Variants in PLEKHA2 observed in about 807,000 individuals in gnomAD.
PLEKHA2 encodes the protein pleckstrin homology domain-containing family A member 2.
A neutral mutation model predicts 53.2 loss-of-function variants in PLEKHA2; 28 were observed. The observed-to-expected ratio is 0.53, with a 90% confidence interval of 0.39 to 0.72. The LOEUF (loss-of-function observed/expected upper bound fraction) is 0.72, where lower values mean the gene tolerates loss of function less well. Among genes scored for constraint, PLEKHA2 ranks in the 30% least tolerant of loss-of-function variants. The probability of loss-of-function intolerance (pLI) is 0.00; values close to 1 mark genes in which losing one functional copy is unlikely to be tolerated. For synonymous variants in PLEKHA2, 193 were observed against 196.4 expected (o/e 0.98, Z 0.14); for missense variants, 426 against 537.9 (o/e 0.79, Z 2.06).
intron 3 of PLEKHA2, among the ~76,000 whole-genome samples, chr8:38,937,956 G>A (rs943287861): frequency 1.3e-5 from 2 of 152,252 alleles, no homozygotes; most frequent in Middle Eastern, 3.2e-3. Flanking sequence ...GGCCAGTGAT[G>A]GGAAGATGAG....
At position 38,933,830 on chromosome 8, in the gene PLEKHA2, A is replaced by G. The variant is rs539586931; in HGVS notation, c.142-2164A>G. 6.6e-5 allele frequency among the ~76,000 whole-genome samples: 10 copies of G among 150,946 alleles called. No individual in the cohort carries two copies. The East Asian group carries it at 1.6e-3, about 23-fold the overall frequency. ...AAAAGCAGTCGCTATGTGGTTGAAAAAAAATGTGTAAATAGAAGTGTAAAT... is the reference window on the plus strand; with the variant it reads ...AAAAGCAGTCGCTATGTGGTTGAAAGAAAATGTGTAAATAGAAGTGTAAAT... On this transcript the variant is annotated intron_variant, in intron 2 of 11. Transcript: ENST00000617275.
intron 9 of PLEKHA2, among the ~76,000 whole-genome samples, chr8:38,955,821 CT>C (rs1834929046): frequency 6.6e-6 from 1 of 152,062 alleles, no homozygotes; most frequent in African/African-American, 2.4e-5. Context: ...TCCTTATGTT[CT>C]TTTTTTGTTG....
chr8:38,915,383 A>G (rs1834041185), intron 1 of PLEKHA2, among the ~76,000 whole-genome samples: 1 of 152,258 alleles, frequency 6.6e-6, no homozygotes, highest in South Asian at 2.1e-4. Flanking sequence ...CTGGAGGCTG[A>G]AAGTCCAAGG....
intron 10 of PLEKHA2, among the ~76,000 whole-genome samples, chr8:38,966,740 C>T (rs1036081652): frequency 7.2e-5 from 11 of 152,128 alleles, no homozygotes; most frequent in Admixed American, 5.9e-4. Flanking sequence ...GCTGCGAGTC[C>T]CACAACTCTT....
At chr8:38,928,310 G>A (rs757422065) in intron 2 of PLEKHA2, among the ~76,000 whole-genome samples, 7 of 143,588 alleles carry the variant, frequency 4.9e-5, no homozygotes, top group Non-Finnish European at 1.1e-4. Context: ...GTGCAGTGGT[G>A]TGATCTTGGC....
At position 38,911,020 on chromosome 8, in the gene PLEKHA2, C is replaced by G. The variant is rs868816242; in HGVS notation, c.-23-6887C>G. On this transcript the variant is annotated intron_variant, in intron 1 of 11. Transcript: ENST00000617275. ...GCATTGTTATATTATGATTTTTGCA[C>G]TAAACCCAGAAAACACGAGGGAGGT... Among the ~76,000 whole-genome samples the G allele has an allele frequency of 2.0e-5, 3 of 152,102 alleles. No individual in the cohort carries two copies. In the East Asian group the frequency reaches 5.8e-4, roughly 29 times the overall value.
chr8:38,931,112 TA>T (rs1461482785), intron 2 of PLEKHA2, among the ~76,000 whole-genome samples: 4 of 152,084 alleles, frequency 2.6e-5, no homozygotes, highest in African/African-American at 7.2e-5. Context: ...ACCCCATCTC[TA>T]CTAAAAATAC....
chr8:38,954,259 C>T (rs994568003), intron 9 of PLEKHA2, among the ~76,000 whole-genome samples: 12 of 152,168 alleles, frequency 7.9e-5, no homozygotes, highest in Admixed American at 2.6e-4. Flanking sequence ...AGCACTCTCC[C>T]GAGTCTTGCA....
Position 38,927,951 on chromosome 8 carries a change from G to T in PLEKHA2, c.142-8043G>T, listed in dbSNP as rs532040925. Among the ~76,000 whole-genome samples the T allele has an allele frequency of 7.8e-4, 119 of 152,120 alleles. 1 individual carries two copies. The highest frequency in any genetic ancestry group is 1.1e-3 in the Non-Finnish European group (74 of 67,994). Reference sequence around the variant, plus strand: ...CCTGAGGTGGTGGGAATGGAGAGTGGGGGGGCAGGTTTAGAGGCTACATGA... The same window carrying T: ...CCTGAGGTGGTGGGAATGGAGAGTGTGGGGGCAGGTTTAGAGGCTACATGA... On this transcript the variant is annotated intron_variant, in intron 2 of 11. Transcript: ENST00000617275.
chr8:38,904,616 A>G (rs1372582516), intron 1 of PLEKHA2, among the ~76,000 whole-genome samples: 1 of 152,218 alleles, frequency 6.6e-6, no homozygotes, highest in Admixed American at 6.5e-5. Flanking sequence ...GAGTCAGCAC[A>G]TTGCCTGGAC....
chr8:38,964,226 G>A (rs1411651185), intron 10 of PLEKHA2, among the ~76,000 whole-genome samples: 1 of 152,152 alleles, frequency 6.6e-6, no homozygotes, highest in Non-Finnish European at 1.5e-5. Flanking sequence ...GAGGAGAATA[G>A]GGAATATTCA....
intron 4 of PLEKHA2, 54 bp downstream of exon 4, chr8:38,943,891 C>A: frequency 1.4e-6 from 2 of 1,431,910 alleles, no homozygotes; most frequent in South Asian, 2.6e-5. Context: ...GCAACTTCCT[C>A]TTTTGCATGG....
chr8:38,909,914 A>G (rs1282061060), intron 1 of PLEKHA2, among the ~76,000 whole-genome samples: 1 of 151,918 alleles, frequency 6.6e-6, no homozygotes, highest in Non-Finnish European at 1.5e-5. Flanking sequence ...AGAAATCTGG[A>G]TCATATAAAA....
At chr8:38,944,783 CAG>C (rs1834678535) in intron 4 of PLEKHA2, among the ~76,000 whole-genome samples, 1 of 152,156 alleles carries the variant, frequency 6.6e-6, no homozygotes, top group Admixed American at 6.5e-5. Context: ...TGGGTGGGGA[CAG>C]AGATCCAAAC....
intron 10 of PLEKHA2, among the ~76,000 whole-genome samples, chr8:38,966,321 G>T (rs1279229052): frequency 1.3e-5 from 2 of 150,742 alleles, no homozygotes; most frequent in Non-Finnish European, 3.0e-5. Flanking sequence ...GGATGAGGGG[G>T]GATGTGGAGT....
chr8:38,906,465 C>A (rs73615934), intron 1 of PLEKHA2, among the ~76,000 whole-genome samples: 1,689 of 152,204 alleles, frequency 0.011, 37 homozygotes, highest in African/African-American at 0.039. Flanking sequence ...CTCTCTACTC[C>A]AAGTTCTAGG....
chr8:38,946,803 A>G (rs761777410), intron 5 of PLEKHA2, among the ~76,000 whole-genome samples: 31 of 152,238 alleles, frequency 2.0e-4, no homozygotes, highest in Non-Finnish European at 2.1e-4. Context: ...AAAGAAAGGA[A>G]GAAGGGTAGG....
In PLEKHA2 at chr8:38,950,947, C is replaced by T. The variant is rs757175466; in HGVS notation, c.443C>T (p.Thr148Met). 1.8e-5 allele frequency: 29 copies of T among 1,613,802 alleles called. No individual in the cohort carries two copies. The highest frequency in any genetic ancestry group is 2.7e-5 in the African/African-American group (2 of 74,912). Residue 148 changes from threonine to methionine, a missense_variant, in exon 6 of 12, where the codon ACG (threonine) becomes ATG (methionine). Physicochemically the swap from Thr to Met is moderately conservative, Grantham distance 81. Transcript: ENST00000617275. ...LEKKPQVAYK[T>M]EIIGGVVVHT... ...AAGAAGCCACAGGTGGCCTACAAGA[C>T]GGAGATCATTGGAGGGGTGGTGGTC...
intron 5 of PLEKHA2, among the ~76,000 whole-genome samples, chr8:38,948,607 G>T (rs558573941): frequency 6.6e-6 from 1 of 152,294 alleles, no homozygotes; most frequent in South Asian, 2.1e-4. Context: ...CGTTGTCTTT[G>T]TGGGGGCCCA....
Sources: allele counts gnomAD v4.1 joint callset (sites outside exome capture counted in the v4.1 genomes callset), GRCh38; gene constraint gnomAD v4.1.1; transcripts MANE v1.5; gene names NCBI Gene and HGNC (gene_info 2026-07-23, HGNC 2026-07-21).